The following AEBP2 variants were observed in gnomAD, a reference collection of about 807,000 sequenced individuals.
AEBP2 encodes AE binding protein 2.
AEBP2 carries 10 observed loss-of-function variants against 50.8 expected under a neutral mutation model. That is an observed-to-expected ratio of 0.20 (90% CI 0.12 to 0.33). AEBP2 has a LOEUF of 0.33. Among genes scored for constraint, AEBP2 ranks in the 10% least tolerant of loss-of-function variants. The pLI, the probability that AEBP2 is intolerant of heterozygous loss-of-function variation, is 1.00. For missense variants in AEBP2, 570 were observed against 688.0 expected, an observed-to-expected ratio of 0.83 and a Z score of 1.92; for synonymous variants, 296 against 261.3, an observed-to-expected ratio of 1.13 and a Z score of -1.28.
chr12:19,472,841 AAG>A (rs549927500), intron 2 of AEBP2, among the ~76,000 whole-genome samples: 25 of 152,246 alleles, frequency 1.6e-4, no homozygotes, highest in Admixed American at 1.2e-3. Flanking sequence ...TACCTTTAAA[AAG>A]GTATATTTTT....
chr12:19,514,683 G>A lies in AEBP2; in HGVS notation c.1380G>A (p.Val460=). Residue 460 remains valine, a synonymous_variant, in exon 7 of 8, where the codon GTG becomes GTA. Transcript: ENST00000266508. ...HWMPEDILPD[V]WVNESERHQL... is the part of the protein sequence containing the mutation. ...TTTTAATTCATAGTCTGCCTGATGT[G>A]TGGGTGAATGAAAGTGAACGACATC... 6.2e-7 allele frequency: 1 copy of A among 1,606,266 alleles called. No individual in the cohort carries two copies. Among genetic ancestry groups the A allele is most frequent in the Non-Finnish European group, 8.5e-7 (1 of 1,176,240 alleles).
chr12:19,486,731 G>T (rs767799779), intron 3 of AEBP2, among the ~76,000 whole-genome samples: 21 of 152,086 alleles, frequency 1.4e-4, no homozygotes, highest in Non-Finnish European at 2.5e-4. Flanking sequence ...TCCTTTACAT[G>T]TCCTCTAATT....
intron 1 of AEBP2, among the ~76,000 whole-genome samples, chr12:19,423,309 A>G (rs577403848): frequency 6.6e-5 from 10 of 152,144 alleles, no homozygotes; most frequent in African/African-American, 2.4e-4. Context: ...CTTCAGTTCA[A>G]TTTTTGGAAG....
chr12:19,504,603 T>C (rs1002920722), intron 5 of AEBP2, among the ~76,000 whole-genome samples: 3 of 152,004 alleles, frequency 2.0e-5, no homozygotes, highest in African/African-American at 7.2e-5. Context: ...ATTCATGGAT[T>C]CCAGGATGAG....
At chr12:19,456,366 C>T (rs908448370) in intron 1 of AEBP2, 33 of 1,379,744 alleles carry the variant, frequency 2.4e-5, no homozygotes, top group Admixed American at 6.8e-5. Flanking sequence ...AACAGCAGCG[C>T]GACCCAGAGG....
chr12:19,495,282 G>A (rs1471799640), intron 4 of AEBP2, among the ~76,000 whole-genome samples: 3 of 152,158 alleles, frequency 2.0e-5, no homozygotes, highest in Non-Finnish European at 4.4e-5. Flanking sequence ...CATTGAAAGG[G>A]AGTCTACTCC....
At position 19,408,223 on chromosome 12, in the gene AEBP2, T is replaced by C. The variant is rs181718606; in HGVS notation, c.-17+4007T>C. On this transcript the variant is annotated intron_variant, in intron 1 of 3. Transcript: ENST00000538425. ...AAAACCAAATTAGAATATTAGTTGTTTTGGAAAGGGAAACTGGGCAGTTGG... is the reference window on the plus strand; with the variant it reads ...AAAACCAAATTAGAATATTAGTTGTCTTGGAAAGGGAAACTGGGCAGTTGG... Among the ~76,000 whole-genome samples, 7 of 152,170 alleles carry C rather than the reference T, an allele frequency of 4.6e-5. No individual in the cohort carries two copies. In the East Asian group the frequency reaches 1.4e-3, roughly 30 times the overall value.
intron 6 of AEBP2, among the ~76,000 whole-genome samples, chr12:19,513,850 G>A (rs1466853427): frequency 1.4e-5 from 2 of 142,598 alleles, no homozygotes; most frequent in Non-Finnish European, 3.0e-5. Flanking sequence ...GAATTTTCTT[G>A]TAGAGTTGAA....
chr12:19,408,435 G>T (rs568595688), intron 1 of AEBP2, among the ~76,000 whole-genome samples: 38 of 151,532 alleles, frequency 2.5e-4, no homozygotes, highest in Admixed American at 2.4e-3. Context: ...GTGGTGCATA[G>T]TTACTTGGGA....
intron 1 of AEBP2, among the ~76,000 whole-genome samples, chr12:19,430,271 A>AGATCAGATAGTT (rs2095750744): frequency 6.6e-6 from 1 of 152,218 alleles, no homozygotes; most frequent in Non-Finnish European, 1.5e-5. Context: ...GGTTTGTCAA[A>AGATCAGATAGTT]GATCAGATAG....
intron 1 of AEBP2, among the ~76,000 whole-genome samples, chr12:19,406,832 G>A (rs10841224): frequency 0.4 from 61,316 of 151,912 alleles, 13,103 homozygotes; most frequent in Non-Finnish European, 0.49. Context: ...ATAGTTTTGC[G>A]TTTTACATTT....
intron 1 of AEBP2, among the ~76,000 whole-genome samples, chr12:19,411,891 T>C (rs918112238): frequency 1.3e-5 from 2 of 152,204 alleles, no homozygotes; most frequent in Admixed American, 6.5e-5. Flanking sequence ...ACTCAGACCA[T>C]GTACAGTGAA....
chr12:19,472,318 A>G (rs952884582), intron 2 of AEBP2, among the ~76,000 whole-genome samples: 1 of 152,152 alleles, frequency 6.6e-6, no homozygotes, highest in Non-Finnish European at 1.5e-5. Flanking sequence ...CTTTCAAGAT[A>G]ATGATTCTTT....
At chr12:19,407,933 C>T (rs1455475109) in intron 1 of AEBP2, among the ~76,000 whole-genome samples, 1 of 151,876 alleles carries the variant, frequency 6.6e-6, no homozygotes, top group Non-Finnish European at 1.5e-5. Context: ...TGCCTGTAAT[C>T]CCAGCTACTC....
chr12:19,485,721 A>AG (rs1347361739), intron 3 of AEBP2, among the ~76,000 whole-genome samples: 1 of 151,074 alleles, frequency 6.6e-6, no homozygotes, highest in African/African-American at 2.4e-5. Context: ...AAAAAAAAAA[A>AG]AAAGAAAAGC....
chr12:19,472,641 A>G (rs1053184041), intron 2 of AEBP2, among the ~76,000 whole-genome samples: 1 of 152,112 alleles, frequency 6.6e-6, no homozygotes, highest in South Asian at 2.1e-4. Context: ...ATATCTCTCT[A>G]TGTCATAATC....
At chr12:19,487,633 C>T (rs181835376) in intron 3 of AEBP2, among the ~76,000 whole-genome samples, 12 of 151,924 alleles carry the variant, frequency 7.9e-5, no homozygotes, top group African/African-American at 2.9e-4. Flanking sequence ...CAGGAGAATC[C>T]CTTGAAGCTG....
chr12:19,444,640 A>G lies in AEBP2; in HGVS notation c.671+4270A>G, dbSNP rs528452344. On this transcript the variant is annotated intron_variant, in intron 1 of 7. Transcript: ENST00000266508. ...TTAGTTCCTCAACTACAAAACAGGT[A>G]TTACTCTGAAGTGTTGTTTTGTGGT... Among the ~76,000 whole-genome samples, 4 of 152,342 alleles carry G rather than the reference A, an allele frequency of 2.6e-5. No homozygotes were observed. In the East Asian group the frequency reaches 5.8e-4, roughly 22 times the overall value.
At chr12:19,452,735 G>A (rs1201928368) in intron 1 of AEBP2, among the ~76,000 whole-genome samples, 1 of 152,060 alleles carries the variant, frequency 6.6e-6, no homozygotes, top group Non-Finnish European at 1.5e-5. Flanking sequence ...AAATGCTTTT[G>A]CAATGTTTTG....
Sources: allele counts gnomAD v4.1 joint callset (sites outside exome capture counted in the v4.1 genomes callset), GRCh38; gene constraint gnomAD v4.1.1; transcripts MANE v1.5; gene names NCBI Gene and HGNC (gene_info 2026-07-23, HGNC 2026-07-21).